The following POLRMT variants were observed in gnomAD, a reference collection of about 807,000 sequenced individuals.
The protein encoded by POLRMT is RNA polymerase mitochondrial.
A neutral mutation model predicts 132.2 loss-of-function variants in POLRMT; 114 were observed. That is an observed-to-expected ratio of 0.86 (90% CI 0.74 to 1.01). The LOEUF is 1.01. Among genes scored for constraint, POLRMT ranks in the 50% least tolerant of loss-of-function variants. The pLI, the probability that POLRMT is intolerant of heterozygous loss-of-function variation, is 0.00. For synonymous variants in POLRMT, 1,020 were observed against 773.4 expected, an observed-to-expected ratio of 1.32 and a Z score of -5.29; for missense variants, 2,003 against 1,729.1, an observed-to-expected ratio of 1.16 and a Z score of -2.81.
chr19:618,891 G>A (rs774766402), intron 15 of POLRMT, 106 bp downstream of exon 15: 99 of 1,356,222 alleles, frequency 7.3e-5, no homozygotes, highest in Non-Finnish European at 9.3e-5. Flanking sequence ...GTGGCACACT[G>A]GGGCGGTGGT....
intron 2 of POLRMT, among the ~76,000 whole-genome samples, chr19:632,106 G>A (rs1985460977): frequency 6.8e-6 from 1 of 147,500 alleles, no homozygotes; most frequent in Admixed American, 6.8e-5. Context: ...GCCCACCTTG[G>A]CCACCCAAAA....
intron 12 of POLRMT, 26 bp from the exon 13 acceptor site, chr19:619,791 C>T (rs374939269): frequency 5.8e-5 from 90 of 1,549,284 alleles, no homozygotes; most frequent in Admixed American, 1.9e-4. Context: ...GCCGGGGGCG[C>T]GGGTCAGCCC....
chr19:633,493 C>A lies in POLRMT; in HGVS notation c.20G>T (p.Gly7Val), dbSNP rs1985580792. 4 of 1,482,830 alleles carry A rather than the reference C, an allele frequency of 2.7e-6. No homozygotes were observed. Among genetic ancestry groups the A allele is most frequent in the East Asian group, 5.2e-5 (2 of 38,834 alleles). 91.9% of individuals were successfully genotyped at this position (1,482,830 alleles called of 1,614,324 possible). Residue 7 changes from glycine to valine, a missense_variant, in exon 1 of 21, where the codon GGC becomes GTC. By Grantham distance (109) the Gly-to-Val change is moderately radical. Transcript: ENST00000588649. ...TCGTTTGAGCCCCGCCGCTCCGCGG[C>A]CCCAGCAAAGTGCCGACATTACGCA... MSALCW[G>V]RGAAGLKRAL...
chr19:619,273 G>A lies in POLRMT; in HGVS notation c.3090C>T (p.His1030=), dbSNP rs916017217. 6.2e-7 allele frequency: 1 copy of A among 1,608,148 alleles called. No individual in the cohort carries two copies. The highest frequency in any genetic ancestry group is 2.2e-5 in the East Asian group (1 of 44,782). The change falls in exon 14 of 21, where the codon CAC becomes CAT. Residue 1030 remains histidine, a synonymous_variant. Transcript: ENST00000588649. ...FPQEFVWEAS[H]YLVRQVFKSL... is the part of the protein sequence containing the mutation. ...TCTTGAAGACCTGGCGTACGAGATA[G>A]TGAGAGGCCTCCCACACGAACTCCT...
In POLRMT at chr19:618,732, G is replaced by C. The variant is rs1273333002; in HGVS notation, c.3296C>G (p.Thr1099Ser). The change falls in exon 16 of 21, where the codon ACC becomes AGC. Residue 1099 changes from threonine (T) to serine (S), a missense_variant. Coordinates refer to ENST00000588649, the MANE Select transcript of POLRMT (RefSeq NM_005035.4). The stretch of plus-strand genomic sequence containing the variant: ...GCTGATGTCTCCGTTGTGGGTGTAG[G>C]TGATGCTCTGAATTCCACCTCCTAT... Reference protein sequence around the residue: ...KQIGGGIQSITYTHNGDISRK... With the variant: ...KQIGGGIQSISYTHNGDISRK... The C allele has an allele frequency of 6.2e-7, 1 of 1,607,146 alleles. No individual in the cohort carries two copies. The highest frequency in any genetic ancestry group is 8.5e-7 in the Non-Finnish European group (1 of 1,177,278).
At chr19:626,538 G>A (rs1202112577) in intron 3 of POLRMT, among the ~76,000 whole-genome samples, 1 of 142,874 alleles carries the variant, frequency 7.0e-6, no homozygotes, top group African/African-American at 2.6e-5. Context: ...TGTAACCCCA[G>A]CACTTTGGGA....
At chr19:618,017 A>C in intron 17 of POLRMT, 168 bp from the exon 18 acceptor site, 1 of 594,292 alleles carries the variant, frequency 1.7e-6, no homozygotes, top group Non-Finnish European at 2.9e-6. Flanking sequence ...ATCCTGGGTT[A>C]GGTATCAGTA....
chr19:623,601 A>G lies in POLRMT; in HGVS notation c.1143T>C (p.Asp381=). 1.2e-6 allele frequency: 2 copies of G among 1,613,480 alleles called. No homozygotes were observed. Among genetic ancestry groups the G allele is most frequent in the Non-Finnish European group, 1.7e-6 (2 of 1,179,902 alleles). Residue 381 remains aspartate, a splice_region_variant and synonymous_variant, in exon 6 of 21, where the codon GAT becomes GAC. Coordinates refer to ENST00000588649, the MANE Select transcript of POLRMT (RefSeq NM_005035.4). ...GCAGCTTCGGGTAGGACACACGCCC[A>G]TCCTGCAGGGATGGGGGTAGTGAGG... ...SKLLRDVYAK[D]GRVSYPKLHL...
chr19:628,396 G>A (rs1985172362), intron 3 of POLRMT, among the ~76,000 whole-genome samples: 1 of 152,326 alleles, frequency 6.6e-6, no homozygotes, highest in Admixed American at 6.5e-5. Context: ...GAGGAACCAG[G>A]CAGCACGCCG....
intron 2 of POLRMT, among the ~76,000 whole-genome samples, chr19:631,338 A>AAGGGGGGG (rs764803872): frequency 8.8e-6 from 1 of 113,360 alleles, no homozygotes; most frequent in Non-Finnish European, 1.8e-5. Flanking sequence ...AAAAAAAAAA[A>AAGGGGGGG]GGGGGGGGGG....
intron 2 of POLRMT, among the ~76,000 whole-genome samples, chr19:632,278 G>C (rs1043549834): frequency 2.0e-5 from 3 of 151,094 alleles, no homozygotes; most frequent in African/African-American, 7.4e-5. Context: ...CTCCCTTCCC[G>C]GCTGCCTAAT....
chr19:633,492 G>A lies in POLRMT; in HGVS notation c.21C>T (p.Gly7=). ...CTCGTTTGAGCCCCGCCGCTCCGCG[G>A]CCCCAGCAAAGTGCCGACATTACGC... MSALCW[G]RGAAGLKRAL... Residue 7 remains glycine (G), a synonymous_variant, in exon 1 of 21, where the codon GGC becomes GGT. Coordinates refer to ENST00000588649, the MANE Select transcript of POLRMT (RefSeq NM_005035.4). 9 of 1,501,214 alleles carry A rather than the reference G, an allele frequency of 6.0e-6. No individual in the cohort carries two copies. Among genetic ancestry groups the A allele is most frequent in the Middle Eastern group, 2.3e-4 (1 of 4,384 alleles). The allele number at this position is 1,501,214 out of a possible 1,614,324, so 93.0% of individuals were successfully genotyped here. A position where few individuals can be genotyped will look rare whatever the true frequency, so the allele number is the denominator to read the frequency against.
intron 14 of POLRMT, 41 bp downstream of exon 14, chr19:619,169 C>T (rs889908788): frequency 2.5e-6 from 4 of 1,610,614 alleles, no homozygotes; most frequent in African/African-American, 1.3e-5. Context: ...CGTCCACTTG[C>T]TTAGGGAGTC....
At position 622,344 on chromosome 19, in the gene POLRMT, G is replaced by A. The variant is rs1391427586; in HGVS notation, c.1656C>T (p.Tyr552=). 3 of 1,555,714 alleles carry A rather than the reference G, an allele frequency of 1.9e-6. No individual in the cohort carries two copies. The highest frequency in any genetic ancestry group is 1.7e-6 in the Non-Finnish European group (2 of 1,152,012). ...CCTCGGGCGCCCCCAGCTCCTCCCA[G>A]TACTGCCGCGGCAGGCAGGGCTCGG... ...EVPEPCLPRQ[Y]WEELGAPEAL... The change falls in exon 9 of 21, where the codon TAC becomes TAT. Residue 552 remains tyrosine, a synonymous_variant. Coordinates refer to ENST00000588649, the MANE Select transcript of POLRMT (RefSeq NM_005035.4).
rs55752843 is a variant in POLRMT at position 620,069 on chromosome 19, G to A, written c.2775C>T (p.Cys925=). 1.6e-5 allele frequency: 25 copies of A among 1,543,098 alleles called. No individual in the cohort carries two copies. The highest frequency in any genetic ancestry group is 1.2e-4 in the East Asian group (5 of 41,446). ...SHLPVHQDGS[C]NGLQHYAALG... is the part of the protein sequence containing the mutation. ...GAGCAGCATAATGCTGCAGGCCGTTGCAAGAGCCGTCCTGAGGAAGGGGCG... is the reference window on the plus strand; with the variant it reads ...GAGCAGCATAATGCTGCAGGCCGTTACAAGAGCCGTCCTGAGGAAGGGGCG... The change falls in exon 12 of 21, where the codon TGC becomes TGT. Residue 925 remains cysteine (C), a synonymous_variant. Coordinates refer to ENST00000588649, the MANE Select transcript of POLRMT (RefSeq NM_005035.4).
At chr19:625,406 CCT>C (rs984650053) in intron 3 of POLRMT, 152 bp from the exon 4 acceptor site, 75 of 1,012,332 alleles carry the variant, frequency 7.4e-5, no homozygotes, top group Admixed American at 1.9e-4. Flanking sequence ...GATGCATCCC[CCT>C]GAGGTTCTGA....
At position 623,447 on chromosome 19, in the gene POLRMT, C is replaced by A. The variant is rs755362600; in HGVS notation, c.1290+7G>T. ...CGGCGGACACGGGACCCCGGCTCAG[C>A]CCCTACCGCGTGCTTGACCTCCTTG... is the stretch of plus-strand genomic sequence containing the variant. On this transcript the variant is annotated splice_region_variant and intron_variant, in intron 6 of 20. Coordinates refer to ENST00000588649, the MANE Select transcript of POLRMT (RefSeq NM_005035.4). 1 of 1,610,874 alleles carries A rather than the reference C, an allele frequency of 6.2e-7. No homozygotes were observed. The highest frequency in any genetic ancestry group is 8.5e-7 in the Non-Finnish European group (1 of 1,179,786).
In POLRMT at chr19:617,960, C is replaced by G. The variant is rs1025765099; in HGVS notation, c.3423-111G>C. The stretch of plus-strand genomic sequence containing the variant: ...TCCACTTGAGGTCCAGGGAAGCCCA[C>G]CCTCCTGCAGGCCTCGCCCCACCCC... On this transcript the variant is annotated intron_variant, in intron 17 of 20. Coordinates refer to ENST00000588649, the MANE Select transcript of POLRMT (RefSeq NM_005035.4). 3.0e-5 allele frequency: 29 copies of G among 980,396 alleles called. No individual in the cohort carries two copies. The African/African-American group carries it at 4.7e-4, about 16-fold the overall frequency. The allele number at this position is 980,396 out of a possible 1,614,324, so 60.7% of individuals were successfully genotyped here.
chr19:617,413 G>A lies in POLRMT; in HGVS notation c.3643+6C>T, dbSNP rs771869648. On this transcript the variant is annotated splice_donor_region_variant and intron_variant, in intron 20 of 20. Coordinates refer to ENST00000588649, the MANE Select transcript of POLRMT (RefSeq NM_005035.4). ...GCCACCCTTGCGAGGCTGCCCACCC[G>A]CCTACCTGGCTTGGGCACCGCCTGC... is the stretch of plus-strand genomic sequence containing the variant. 1.2e-5 allele frequency: 20 copies of A among 1,612,124 alleles called. No individual in the cohort carries two copies. The highest frequency in any genetic ancestry group is 2.7e-5 in the African/African-American group (2 of 74,906).
Sources: allele counts gnomAD v4.1 joint callset (sites outside exome capture counted in the v4.1 genomes callset), GRCh38; gene constraint gnomAD v4.1.1; transcripts MANE v1.5; gene names NCBI Gene and HGNC (gene_info 2026-07-23, HGNC 2026-07-21).